The following IL6R variants were observed in gnomAD, a reference collection of about 807,000 sequenced individuals.
The protein encoded by IL6R is interleukin 6 receptor.
A neutral mutation model predicts 48.3 loss-of-function variants in IL6R; 38 were observed. The observed-to-expected ratio is 0.79, with a 90% CI of 0.61 to 1.03. IL6R has a LOEUF of 1.03. Ranked by LOEUF, IL6R falls within the 50% of genes least tolerant of loss-of-function variation. The pLI is 0.00. For synonymous variants in IL6R, 264 were observed against 256.2 expected (o/e 1.03, Z -0.29); for missense variants, 534 against 618.3 (o/e 0.86, Z 1.45).
chr1:154,460,927 A>G (rs1277529082), intron 9 of IL6R, among the ~76,000 whole-genome samples: 1 of 152,198 alleles, frequency 6.6e-6, no homozygotes, highest in Non-Finnish European at 1.5e-5. Context: ...ACTACTATCA[A>G]GATGCAGAGA....
At chr1:154,442,724 C>G (rs567510813) in intron 6 of IL6R, among the ~76,000 whole-genome samples, 1 of 152,180 alleles carries the variant, frequency 6.6e-6, no homozygotes, top group Admixed American at 6.5e-5. Context: ...TTTATCCTCT[C>G]CTGATGGGAG....
chr1:154,437,904 C>T (rs1220260149), intron 6 of IL6R, among the ~76,000 whole-genome samples: 6 of 149,980 alleles, frequency 4.0e-5, no homozygotes, highest in South Asian at 4.2e-4. Context: ...TTAGTAGAGA[C>T]GGGGTTTCAC....
intron 9 of IL6R, among the ~76,000 whole-genome samples, chr1:154,459,099 T>C (rs1420712296): frequency 6.6e-6 from 1 of 152,156 alleles, no homozygotes; most frequent in African/African-American, 2.4e-5. Flanking sequence ...CCACCTGCTA[T>C]TGGCTAAGAG....
intron 7 of IL6R, among the ~76,000 whole-genome samples, chr1:154,448,417 A>G (rs559333331): frequency 6.6e-6 from 1 of 152,272 alleles, no homozygotes; most frequent in East Asian, 1.9e-4. Flanking sequence ...AGCAGCTGCT[A>G]TTTCATCTCT....
chr1:154,447,686 T>TTTTTTGTTTTG (rs1690348803), intron 6 of IL6R, among the ~76,000 whole-genome samples: 1 of 148,326 alleles, frequency 6.7e-6, no homozygotes, highest in Non-Finnish European at 1.5e-5. Context: ...AGCATGCTGT[T>TTTTTTGTTTTG]TTTTGTTTTG....
chr1:154,425,706 A>C (rs543596937), intron 1 of IL6R, among the ~76,000 whole-genome samples: 1 of 151,674 alleles, frequency 6.6e-6, no homozygotes, highest in South Asian at 2.1e-4. Flanking sequence ...CCCAGGAATT[A>C]GAAGTTGCAG....
intron 6 of IL6R, among the ~76,000 whole-genome samples, chr1:154,444,800 G>T (rs908789570): frequency 6.6e-6 from 1 of 152,172 alleles, no homozygotes; most frequent in South Asian, 2.1e-4. Context: ...CTAAGTGGGA[G>T]GCTGAGGTGG....
chr1:154,461,624 TG>T (rs1691269817), intron 9 of IL6R, among the ~76,000 whole-genome samples: 1 of 152,250 alleles, frequency 6.6e-6, no homozygotes. Context: ...TTTATAATAA[TG>T]ATTGATAATT....
intron 1 of IL6R, among the ~76,000 whole-genome samples, chr1:154,423,229 A>G (rs1320221666): frequency 1.5e-5 from 2 of 136,564 alleles, no homozygotes; most frequent in Non-Finnish European, 3.2e-5. Context: ...CCTAACTCAC[A>G]CAGACCCAGG....
chr1:154,453,964 G>T, intron 8 of IL6R: 1 of 161,642 alleles, frequency 6.2e-6, no homozygotes, highest in Non-Finnish European at 1.4e-5. Flanking sequence ...TATGGCTGGG[G>T]CTTGAGTACC....
chr1:154,430,791 C>CT (rs1375166992), intron 3 of IL6R, among the ~76,000 whole-genome samples, 185 bp downstream of exon 3: 1 of 152,192 alleles, frequency 6.6e-6, no homozygotes, highest in East Asian at 1.9e-4. Flanking sequence ...AGGCACTGTG[C>CT]TTGTGCTTGG....
intron 9 of IL6R, among the ~76,000 whole-genome samples, chr1:154,459,795 A>G (rs762705819): frequency 3.9e-5 from 6 of 152,158 alleles, no homozygotes; most frequent in African/African-American, 7.2e-5. Flanking sequence ...GGAAAATAGA[A>G]TTCTCCTAGT....
intron 1 of IL6R, among the ~76,000 whole-genome samples, chr1:154,410,943 T>C (rs1687985536): frequency 6.6e-6 from 1 of 152,240 alleles, no homozygotes; most frequent in Admixed American, 6.5e-5. Context: ...TTGGCATCTG[T>C]GATCTCATGT....
At chr1:154,441,739 C>T (rs1034397406) in intron 6 of IL6R, among the ~76,000 whole-genome samples, 1 of 152,114 alleles carries the variant, frequency 6.6e-6, no homozygotes, top group Non-Finnish European at 1.5e-5. Context: ...GGACCTTCAG[C>T]TCTCAAGGCC....
chr1:154,447,984 C>G (rs919289931), intron 6 of IL6R, 141 bp from the exon 7 acceptor site: 1 of 668,062 alleles, frequency 1.5e-6, no homozygotes, highest in African/African-American at 1.8e-5. Flanking sequence ...GCTGGGATGA[C>G]AGACGTGAGC....
intron 2 of IL6R, 94 bp from the exon 3 acceptor site, chr1:154,430,389 C>T (rs899266745): frequency 1.1e-5 from 16 of 1,496,286 alleles, no homozygotes; most frequent in Admixed American, 2.2e-5. Flanking sequence ...GGCCCAGCCA[C>T]GTGCTCCCCT....
chr1:154,443,620 C>T (rs968926641), intron 6 of IL6R, among the ~76,000 whole-genome samples: 3 of 152,180 alleles, frequency 2.0e-5, no homozygotes, highest in African/African-American at 7.2e-5. Context: ...ACTCAGTTTG[C>T]TTATTTGTCA....
At chr1:154,421,042 C>G (rs1558303949) in intron 1 of IL6R, among the ~76,000 whole-genome samples, 1 of 152,138 alleles carries the variant, frequency 6.6e-6, no homozygotes, top group Non-Finnish European at 1.5e-5. Context: ...GCTTCCTTGT[C>G]CTCTCTGCAG....
chr1:154,438,512 GA>G (rs139196051), intron 6 of IL6R, among the ~76,000 whole-genome samples: 5 of 148,150 alleles, frequency 3.4e-5, no homozygotes, highest in African/African-American at 5.0e-5. Context: ...TGGCAGTTAG[GA>G]AAAAAAAAAG....
Sources: allele counts gnomAD v4.1 joint callset (sites outside exome capture counted in the v4.1 genomes callset), GRCh38; gene constraint gnomAD v4.1.1; transcripts MANE v1.5; gene names NCBI Gene and HGNC (gene_info 2026-07-23, HGNC 2026-07-21).